Variants in ELAPOR2 observed in about 807,000 individuals in gnomAD.
ELAPOR2 encodes the protein endosome-lysosome associated apoptosis and autophagy regulator family member 2, also known as endosome/lysosome-associated apoptosis and autophagy regulator family member 2.
Under a neutral mutation model 120.7 loss-of-function variants are expected in ELAPOR2, and 89 were observed. The observed-to-expected ratio is 0.74, with a 90% confidence interval of 0.62 to 0.88. ELAPOR2 has a LOEUF of 0.88. ELAPOR2 is among the 40% of genes least tolerant of loss of function. The probability of loss-of-function intolerance (pLI) is 0.00; values close to 1 mark genes in which losing one functional copy is unlikely to be tolerated. For synonymous variants in ELAPOR2, 444 were observed against 444.9 expected (o/e 1.00, Z 0.03); for missense variants, 1,134 against 1,251.6 (o/e 0.91, Z 1.42).
Position 86,913,128 on chromosome 7 carries a change from G to T in ELAPOR2, c.1808C>A (p.Ser603Ter). ...AGAACCGAGGGCACAGGCACGGCAT[G>T]AGGACGCCACCCCATCAACTGCATT... ...ATNAVDGVAS[S>*]CRACALGSEQ... Residue 603 changes from serine (S) to a stop codon, truncating the protein, a stop_gained, in exon 14 of 22, where the codon TCA becomes TAA. Transcript: ENST00000450689. LOFTEE classifies it high-confidence loss of function. 6.2e-7 allele frequency: 1 copy of T among 1,614,080 alleles called. No individual in the cohort carries two copies. The highest frequency in any genetic ancestry group is 8.5e-7 in the Non-Finnish European group (1 of 1,180,000).
At chr7:87,047,614 C>T (rs1203230655) in intron 1 of ELAPOR2, among the ~76,000 whole-genome samples, 1 of 152,110 alleles carries the variant, frequency 6.6e-6, no homozygotes. Context: ...AAATGCAAAT[C>T]AAAACTACAA....
intron 2 of ELAPOR2, among the ~76,000 whole-genome samples, chr7:86,958,430 TA>T (rs1253023841): frequency 6.6e-6 from 1 of 152,236 alleles, no homozygotes; most frequent in Admixed American, 6.5e-5. Flanking sequence ...TATTATTGTA[TA>T]ATTATTATTC....
intron 1 of ELAPOR2, among the ~76,000 whole-genome samples, chr7:86,974,984 G>A (rs1265113739): frequency 6.6e-6 from 1 of 152,100 alleles, no homozygotes; most frequent in East Asian, 1.9e-4. Context: ...TCTGAAGAAG[G>A]GAAAATCTAA....
At chr7:87,010,957 T>G (rs1232458761) in intron 1 of ELAPOR2, among the ~76,000 whole-genome samples, 1 of 152,066 alleles carries the variant, frequency 6.6e-6, no homozygotes, top group African/African-American at 2.4e-5. Flanking sequence ...TGTCCTGGAT[T>G]AGATAAATTT....
chr7:86,912,366 T>G (rs1368164815), intron 14 of ELAPOR2, 121 bp from the exon 15 acceptor site: 2 of 513,150 alleles, frequency 3.9e-6, no homozygotes, highest in African/African-American at 3.8e-5. Flanking sequence ...AGCTATAATA[T>G]ACTTTACCAT....
intron 1 of ELAPOR2, among the ~76,000 whole-genome samples, 169 bp from the exon 2 acceptor site, chr7:86,965,193 C>G (rs554031573): frequency 6.6e-6 from 1 of 152,266 alleles, no homozygotes; most frequent in Non-Finnish European, 1.5e-5. Context: ...AGGTATGGTG[C>G]TAGACACAGA....
At chr7:86,885,187 G>A (rs1799629924) in intron 21 of ELAPOR2, among the ~76,000 whole-genome samples, 2 of 152,228 alleles carry the variant, frequency 1.3e-5, no homozygotes, top group East Asian at 3.9e-4. Context: ...AAATACTCTG[G>A]ATTAAGATAG....
intron 2 of ELAPOR2, among the ~76,000 whole-genome samples, chr7:86,949,645 T>C (rs1791155802): frequency 1.3e-5 from 2 of 152,150 alleles, no homozygotes; most frequent in South Asian, 4.1e-4. Context: ...TGGAGACGTC[T>C]GCTCCCCCTG....
intron 1 of ELAPOR2, among the ~76,000 whole-genome samples, chr7:86,991,489 C>A (rs1373274148): frequency 6.6e-6 from 1 of 152,058 alleles, no homozygotes; most frequent in Non-Finnish European, 1.5e-5. Flanking sequence ...ATGTGGTCTA[C>A]CAGAAGAATT....
intron 1 of ELAPOR2, among the ~76,000 whole-genome samples, chr7:86,993,106 C>T (rs769065579): frequency 2.0e-5 from 3 of 151,546 alleles, no homozygotes; most frequent in African/African-American, 4.9e-5. Context: ...CGTGGTGGCG[C>T]GCACCTGCGG....
chr7:86,961,964 G>C (rs2116467982), intron 2 of ELAPOR2, among the ~76,000 whole-genome samples: 1 of 152,240 alleles, frequency 6.6e-6, no homozygotes. Flanking sequence ...GTTCTCCACA[G>C]CAGAGAGGAC....
intron 1 of ELAPOR2, among the ~76,000 whole-genome samples, chr7:87,007,500 G>A (rs750918914): frequency 3.3e-5 from 5 of 152,152 alleles, no homozygotes; most frequent in Admixed American, 6.6e-5. Context: ...ATATGCACAC[G>A]TTTATATGCA....
chr7:86,923,788 A>C (rs1238917799), intron 10 of ELAPOR2, among the ~76,000 whole-genome samples: 4 of 152,098 alleles, frequency 2.6e-5, no homozygotes, highest in Admixed American at 2.0e-4. Flanking sequence ...CAATTATTTC[A>C]ATTTTTGTTG....
chr7:86,969,551 T>C (rs1401991040), intron 1 of ELAPOR2, among the ~76,000 whole-genome samples: 2 of 152,148 alleles, frequency 1.3e-5, no homozygotes, highest in East Asian at 3.8e-4. Flanking sequence ...CTAAGGGTTA[T>C]GGGAGAAATT....
intron 21 of ELAPOR2, among the ~76,000 whole-genome samples, chr7:86,883,672 T>C (rs992306142): frequency 2.0e-5 from 3 of 152,192 alleles, no homozygotes; most frequent in Non-Finnish European, 4.4e-5. Context: ...TACATTTATA[T>C]GAAGTTCTAT....
At chr7:87,048,400 G>A (rs1006786891) in intron 1 of ELAPOR2, among the ~76,000 whole-genome samples, 4 of 152,136 alleles carry the variant, frequency 2.6e-5, no homozygotes, top group African/African-American at 4.8e-5. Context: ...CACATCACAC[G>A]TTCTCATTTG....
chr7:86,908,496 T>C lies in ELAPOR2; in HGVS notation c.2407A>G (p.Met803Val), dbSNP rs1322973682. The change falls in exon 17 of 22, where the codon ATG becomes GTG. Residue 803 changes from methionine (M) to valine (V), a missense_variant. This residue lies in a region of ELAPOR2 where 831 missense variants were observed against 867.6 expected (regional missense o/e 0.96). Transcript: ENST00000450689. Reference sequence around the variant, plus strand: ...ATTTGGCTTGTTGGAACTGGGAACATATCTTCTTTTATATTAATATTTTTC... The same window carrying C: ...ATTTGGCTTGTTGGAACTGGGAACACATCTTCTTTTATATTAATATTTTTC... ...TLKNINIKED[M>V]FPVPTSQIPD... The C allele has an allele frequency of 2.5e-6, 4 of 1,584,636 alleles. No homozygotes were observed. Among genetic ancestry groups the C allele is most frequent in the South Asian group, 1.2e-5 (1 of 85,860 alleles).
chr7:86,906,131 A>G (rs1200697681), intron 18 of ELAPOR2, among the ~76,000 whole-genome samples: 3 of 152,150 alleles, frequency 2.0e-5, no homozygotes, highest in Non-Finnish European at 2.9e-5. Context: ...TTAGGTTCAC[A>G]ATATGGCCCC....
At chr7:86,991,893 T>A (rs1273274225) in intron 1 of ELAPOR2, among the ~76,000 whole-genome samples, 1 of 152,202 alleles carries the variant, frequency 6.6e-6, no homozygotes, top group Non-Finnish European at 1.5e-5. Context: ...AAATCCCATC[T>A]GAAGCATCTG....
Sources: allele counts gnomAD v4.1 joint callset (sites outside exome capture counted in the v4.1 genomes callset), GRCh38; gene constraint gnomAD v4.1.1; regional missense constraint gnomAD v4.1.1; transcripts MANE v1.5; gene names NCBI Gene and HGNC (gene_info 2026-07-23, HGNC 2026-07-21).